Variants in EYS observed in about 807,000 individuals in gnomAD.
The protein encoded by EYS is EGF-like photoreceptor maintenance factor, also known as protein eyes shut homolog.
EYS carries 250 observed loss-of-function variants against 282.1 expected under a neutral mutation model. That is an observed-to-expected ratio of 0.89 (90% CI 0.80 to 0.98). The LOEUF (loss-of-function observed/expected upper bound fraction) is 0.98, where lower values mean the gene tolerates loss of function less well. Ranked by LOEUF, EYS falls within the 50% of genes least tolerant of loss-of-function variation. EYS has a pLI of 0.00. For synonymous variants in EYS, 1,355 were observed against 1,282.9 expected (o/e 1.06, Z -1.20); for missense variants, 4,016 against 3,709.0 (o/e 1.08, Z -2.15).
chr6:64,296,229 G>A (rs1257197312), intron 30 of EYS, among the ~76,000 whole-genome samples: 1 of 152,014 alleles, frequency 6.6e-6, no homozygotes, highest in Non-Finnish European at 1.5e-5. Context: ...GTGTTGGGAG[G>A]CCAGAATTTC....
intron 12 of EYS, among the ~76,000 whole-genome samples, chr6:65,131,272 T>C (rs62407208): frequency 0.19 from 29,547 of 151,752 alleles, 3,127 homozygotes; most frequent in Middle Eastern, 0.23. Context: ...CAACAGAATA[T>C]ACATTCTTCT....
chr6:65,422,968 C>CAT (rs1767523919), intron 5 of EYS, among the ~76,000 whole-genome samples: 2 of 151,738 alleles, frequency 1.3e-5, no homozygotes, highest in East Asian at 1.9e-4. Context: ...ATCATTATAA[C>CAT]ATATATATAA....
At position 63,937,411 on chromosome 6, in the gene EYS, C is replaced by T. The variant is rs184170965; in HGVS notation, c.7055+46972G>A. On this transcript the variant is annotated intron_variant, in intron 35 of 42. Coordinates refer to ENST00000503581, the MANE Select transcript of EYS (RefSeq NM_001142800.2). ...TTTTTTTTTTTTTGAGACGGAGTCT[C>T]ACTTTGTTGCCCAGGCTGGAGTGCA... 9.2e-3 allele frequency among the ~76,000 whole-genome samples: 793 copies of T among 85,818 alleles called. 15 individuals are homozygous for T. Among genetic ancestry groups the T allele is most frequent in the African/African-American group, 0.031 (701 of 22,684 alleles). 56.3% of individuals were successfully genotyped at this position (85,818 alleles called of 152,430 possible).
chr6:64,560,057 T>C (rs954036003), intron 26 of EYS, among the ~76,000 whole-genome samples: 2 of 152,154 alleles, frequency 1.3e-5, no homozygotes, highest in African/African-American at 4.8e-5. Flanking sequence ...TTATGAAAAG[T>C]TAGCATAAAA....
chr6:64,575,128 C>T (rs1055264014), intron 26 of EYS, among the ~76,000 whole-genome samples: 2 of 152,050 alleles, frequency 1.3e-5, no homozygotes, highest in Non-Finnish European at 2.9e-5. Flanking sequence ...AAGTATAGCA[C>T]CTAGTCATAA....
intron 35 of EYS, among the ~76,000 whole-genome samples, chr6:63,882,192 T>C (rs13215875): frequency 0.37 from 55,606 of 152,076 alleles, 10,617 homozygotes; most frequent in South Asian, 0.47. Flanking sequence ...TTACTGACTG[T>C]CCCAATTCCT....
chr6:65,103,845 T>G (rs137872645), intron 12 of EYS, among the ~76,000 whole-genome samples: 47 of 151,550 alleles, frequency 3.1e-4, no homozygotes, highest in Middle Eastern at 3.4e-3. Flanking sequence ...ATCAAAATTA[T>G]TACCTAACAA....
intron 23 of EYS, 141 bp downstream of exon 23, chr6:64,625,980 C>T: frequency 1.9e-6 from 1 of 536,646 alleles, no homozygotes; most frequent in Non-Finnish European, 3.2e-6. Context: ...ATGATCATTG[C>T]TTAAAACTTG....
intron 26 of EYS, among the ~76,000 whole-genome samples, chr6:64,538,888 T>C (rs1582869508): frequency 6.6e-6 from 1 of 152,196 alleles, no homozygotes; most frequent in Non-Finnish European, 1.5e-5. Flanking sequence ...TTCTTTCTAC[T>C]CCACCAGGAA....
At chr6:64,636,574 G>T (rs550151895) in intron 22 of EYS, among the ~76,000 whole-genome samples, 6 of 152,034 alleles carry the variant, frequency 3.9e-5, no homozygotes, top group Non-Finnish European at 7.4e-5. Context: ...GGCAACAAAA[G>T]CCAAAATTGA....
intron 12 of EYS, among the ~76,000 whole-genome samples, chr6:65,191,315 T>C (rs989721047): frequency 4.0e-5 from 6 of 151,806 alleles, no homozygotes; most frequent in Middle Eastern, 3.2e-3. Flanking sequence ...ATAAGAATAG[T>C]GAATATGTTA....
At chr6:64,734,239 G>A (rs1238958071) in intron 22 of EYS, among the ~76,000 whole-genome samples, 2 of 151,780 alleles carry the variant, frequency 1.3e-5, no homozygotes, top group African/African-American at 4.8e-5. Flanking sequence ...GGACTAAAGC[G>A]AATAAGCACT....
intron 19 of EYS, among the ~76,000 whole-genome samples, chr6:64,875,458 A>G (rs1039409718): frequency 1.3e-5 from 2 of 152,028 alleles, no homozygotes; most frequent in African/African-American, 4.8e-5. Flanking sequence ...AGCCTCTGAT[A>G]TCAGTTGCAT....
intron 7 of EYS, among the ~76,000 whole-genome samples, chr6:65,389,379 A>G (rs540221574): frequency 6.6e-6 from 1 of 152,122 alleles, no homozygotes; most frequent in African/African-American, 2.4e-5. Context: ...TGCAATAGGT[A>G]CTCCCTCTGC....
chr6:65,380,693 A>C (rs1765576752), intron 8 of EYS, among the ~76,000 whole-genome samples: 1 of 152,160 alleles, frequency 6.6e-6, no homozygotes, highest in African/African-American at 2.4e-5. Flanking sequence ...CAACCTACAG[A>C]ATGGGAGAAA....
At chr6:63,779,834 G>T (rs1770166633) in intron 39 of EYS, among the ~76,000 whole-genome samples, 1 of 151,526 alleles carries the variant, frequency 6.6e-6, no homozygotes, top group Admixed American at 6.6e-5. Flanking sequence ...TGCCATGTTG[G>T]TGTGCTGCAC....
intron 26 of EYS, among the ~76,000 whole-genome samples, chr6:64,471,873 A>G (rs1776131938): frequency 1.3e-5 from 2 of 152,228 alleles, no homozygotes; most frequent in South Asian, 4.1e-4. Context: ...ATAATTAGAT[A>G]GAAGACATAA....
intron 12 of EYS, among the ~76,000 whole-genome samples, chr6:65,141,244 A>G (rs1400979732): frequency 6.6e-6 from 1 of 152,106 alleles, no homozygotes; most frequent in African/African-American, 2.4e-5. Context: ...TCACAAGGAC[A>G]AAAAACCAAA....
At chr6:64,004,978 C>T (rs565811358) in intron 33 of EYS, among the ~76,000 whole-genome samples, 1 of 152,204 alleles carries the variant, frequency 6.6e-6, no homozygotes, top group South Asian at 2.1e-4. Context: ...GGGGATGTAT[C>T]CAATAATGCG....
Sources: allele counts gnomAD v4.1 joint callset (sites outside exome capture counted in the v4.1 genomes callset), GRCh38; gene constraint gnomAD v4.1.1; transcripts MANE v1.5; gene names NCBI Gene and HGNC (gene_info 2026-07-23, HGNC 2026-07-21).